Variants in PRRG1 observed in about 807,000 individuals in gnomAD.
The protein encoded by PRRG1 is proline rich and Gla domain 1.
In PRRG1, 5 loss-of-function variants were observed where a neutral mutation model predicts 11.8. The observed-to-expected ratio is 0.42, with a 90% CI of 0.22 to 0.89. The LOEUF is 0.89. Ranked by LOEUF, PRRG1 falls within the 40% of genes least tolerant of loss-of-function variation. PRRG1 has a pLI of 0.28. For synonymous variants in PRRG1, 66 were observed against 60.4 expected, an observed-to-expected ratio of 1.09 and a Z score of -0.43; for missense variants, 155 against 166.1, an observed-to-expected ratio of 0.93 and a Z score of 0.37.
At chrX:37,401,763 A>T (rs1931992384) in intron 1 of PRRG1, among the ~76,000 whole-genome samples, 1 of 111,481 alleles carries the variant, frequency 9.0e-6, no homozygotes, top group African/African-American at 3.3e-5. Context: ...AATCTCCTTA[A>T]GCTGATAAGC....
At chrX:37,353,953 T>C (rs1454796283) in intron 1 of PRRG1, among the ~76,000 whole-genome samples, 1 of 112,837 alleles carries the variant, frequency 8.9e-6, no homozygotes, top group Non-Finnish European at 1.9e-5. Flanking sequence ...TTGTTATTTA[T>C]GTCTGCTGTT....
At chrX:37,368,787 A>G (rs1294798222) in intron 1 of PRRG1, among the ~76,000 whole-genome samples, 2 of 107,398 alleles carry the variant, frequency 1.9e-5, no homozygotes, top group Non-Finnish European at 3.9e-5. Flanking sequence ...TCAGAATTCT[A>G]TTTTATTTTT....
intron 3 of PRRG1, among the ~76,000 whole-genome samples, chrX:37,426,689 G>A (rs1556388498): frequency 8.9e-6 from 1 of 112,130 alleles, no homozygotes; most frequent in Non-Finnish European, 1.9e-5. Flanking sequence ...AGGGGTAAGA[G>A]GAAGAAGCCA....
At chrX:37,396,239 T>C (rs1026395498) in intron 1 of PRRG1, among the ~76,000 whole-genome samples, 8 of 112,633 alleles carry the variant, frequency 7.1e-5, no homozygotes, top group African/African-American at 2.6e-4. Flanking sequence ...GCTGTGGTAC[T>C]GGACATCTGT....
chrX:37,419,952 C>T (rs1932609193), intron 2 of PRRG1, among the ~76,000 whole-genome samples: 1 of 111,928 alleles, frequency 8.9e-6, no homozygotes, highest in Admixed American at 9.5e-5. Flanking sequence ...GACAGACTCA[C>T]GGCAAGTTAA....
intron 2 of PRRG1, among the ~76,000 whole-genome samples, chrX:37,416,980 T>C (rs1318590968): frequency 1.8e-5 from 2 of 111,856 alleles, no homozygotes; most frequent in African/African-American, 6.5e-5. Flanking sequence ...CTTTTAAGTA[T>C]ACCATATTGA....
chrX:37,350,329 T>C (rs1390965821), intron 1 of PRRG1, among the ~76,000 whole-genome samples: 5 of 111,279 alleles, frequency 4.5e-5, no homozygotes, highest in African/African-American at 1.6e-4. Context: ...GATGAAGAGG[T>C]TGAGTGACAA....
At chrX:37,356,482 G>C (rs1336613950) in intron 1 of PRRG1, among the ~76,000 whole-genome samples, 1 of 111,459 alleles carries the variant, frequency 9.0e-6, no homozygotes, top group African/African-American at 3.3e-5. Flanking sequence ...GGAGTAGCAT[G>C]AATGAGAAGG....
intron 1 of PRRG1, among the ~76,000 whole-genome samples, chrX:37,373,404 T>C (rs1233131210): frequency 8.9e-6 from 1 of 112,185 alleles, no homozygotes; most frequent in Non-Finnish European, 1.9e-5. Flanking sequence ...ATTTTAACAA[T>C]ATTAATTCTT....
intron 3 of PRRG1, among the ~76,000 whole-genome samples, chrX:37,429,581 G>C (rs1932806348): frequency 8.9e-6 from 1 of 111,742 alleles, no homozygotes; most frequent in African/African-American, 3.3e-5. Context: ...ATCACTATGA[G>C]CATTTTTGTC....
chrX:37,373,797 C>G (rs940824837), intron 1 of PRRG1, among the ~76,000 whole-genome samples: 1 of 111,141 alleles, frequency 9.0e-6, no homozygotes, highest in Non-Finnish European at 1.9e-5. Context: ...ATTGCTCTTG[C>G]TAGGACTTCC....
chrX:37,451,797 A>G (rs1175204676), intron 3 of PRRG1, among the ~76,000 whole-genome samples: 2 of 112,315 alleles, frequency 1.8e-5, no homozygotes, highest in Non-Finnish European at 3.8e-5. Flanking sequence ...TATATAACTA[A>G]GTGAAGTAAA....
rs889565398 is a variant in PRRG1, at chrX:37,438,717, G to A, written c.171+12717G>A. On this transcript the variant is annotated intron_variant, in intron 3 of 3. Coordinates refer to ENST00000378628, the MANE Select transcript of PRRG1 (RefSeq NM_001142395.2). ...CTCCCAAAGTGCTGGGATTACAGGC[G>A]TGAGCCACCATGCCCGGCCCTTTTC... Among the ~76,000 whole-genome samples the A allele has an allele frequency of 2.7e-5, 3 of 111,463 alleles. No homozygotes were observed. In the East Asian group the frequency reaches 8.4e-4, roughly 31 times the overall value.
At chrX:37,367,156 G>A (rs190570973) in intron 1 of PRRG1, among the ~76,000 whole-genome samples, 26 of 112,077 alleles carry the variant, frequency 2.3e-4, no homozygotes, top group African/African-American at 7.5e-4. Flanking sequence ...GGAAAAAATA[G>A]AAGGCAACAT....
intron 2 of PRRG1, among the ~76,000 whole-genome samples, chrX:37,415,229 C>A (rs1157178489): frequency 1.8e-5 from 2 of 111,329 alleles, no homozygotes; most frequent in African/African-American, 3.3e-5. Flanking sequence ...ACCAACATGG[C>A]GAAGCCCCGT....
chrX:37,361,081 G>A (rs142026976), intron 1 of PRRG1, among the ~76,000 whole-genome samples: 3,123 of 112,258 alleles, frequency 0.028, 105 homozygotes, highest in African/African-American at 0.094. Flanking sequence ...GGTGGCTCAC[G>A]CCTGTAATCC....
intron 2 of PRRG1, among the ~76,000 whole-genome samples, chrX:37,415,744 A>G (rs1001496644): frequency 1.8e-5 from 2 of 111,981 alleles, no homozygotes; most frequent in Non-Finnish European, 1.9e-5. Flanking sequence ...GTTCTGCCAT[A>G]TAACTTATTA....
At chrX:37,442,544 A>G (rs1933004083) in intron 3 of PRRG1, among the ~76,000 whole-genome samples, 1 of 111,449 alleles carries the variant, frequency 9.0e-6, no homozygotes, top group East Asian at 2.8e-4. Context: ...GGGTGCATGT[A>G]CATGGTACAG....
chrX:37,401,920 A>T (rs1239829191), intron 1 of PRRG1, among the ~76,000 whole-genome samples: 1 of 110,623 alleles, frequency 9.0e-6, no homozygotes, highest in Non-Finnish European at 1.9e-5. Context: ...TAGGAATCCA[A>T]CTTACAAGGG....
Sources: gnomAD v4.1 joint callset for allele counts (sites outside exome capture counted in the v4.1 genomes callset) on GRCh38, gnomAD v4.1.1 for gene constraint, MANE v1.5 for transcripts, NCBI Gene and HGNC (gene_info 2026-07-23, HGNC 2026-07-21) for gene names.